ZNF717: variants seen among roughly 807,000 people sequenced by gnomAD.
ZNF717 encodes krueppel-like factor X17.
Under a neutral mutation model 13.8 loss-of-function variants are expected in ZNF717, and 9 were observed. The ratio of observed to expected loss-of-function variants is 0.65; its 90% CI spans 0.39 to 1.14. The LOEUF (loss-of-function observed/expected upper bound fraction) is 1.14, where lower values mean the gene tolerates loss of function less well. Ranked by LOEUF, ZNF717 falls within the 50% of genes most tolerant of loss-of-function variation. The pLI is 0.01. For synonymous variants in ZNF717, 327 were observed against 364.1 expected, an observed-to-expected ratio of 0.90 and a Z score of 1.16; for missense variants, 1,040 against 1,080.7, an observed-to-expected ratio of 0.96 and a Z score of 0.53.
At chr3:75,709,001 T>A (rs796339218), downstream of ZNF717, among the ~76,000 whole-genome samples, 1 of 120,802 alleles carries the variant, frequency 8.3e-6, no homozygotes, top group Non-Finnish European at 1.7e-5. Context: ...TTTTTCTTTT[T>A]CTTTTCTTTT....
At chr3:75,735,607 T>C (rs1939076673), downstream of ZNF717, among the ~76,000 whole-genome samples, 2 of 88,038 alleles carry the variant, frequency 2.3e-5, no homozygotes, top group African/African-American at 9.7e-5. Context: ...ATCACACCAC[T>C]GCACTCCAGC....
At chr3:75,782,894 C>G (rs532602283) in intron 2 of ZNF717, among the ~76,000 whole-genome samples, 2 of 150,976 alleles carry the variant, frequency 1.3e-5, no homozygotes, top group Non-Finnish European at 1.5e-5. Context: ...AGAAGATGAC[C>G]GTTTCCACTG....
chr3:75,730,630 A>C, intron 5 of ZNF717: 1 of 676,412 alleles, frequency 1.5e-6, no homozygotes, highest in Non-Finnish European at 2.7e-6. Context: ...TGGAGATAAA[A>C]GATTTTGAAA....
intron 5 of ZNF717, among the ~76,000 whole-genome samples, chr3:75,711,905 A>C (rs1575716574): frequency 6.6e-6 from 1 of 152,274 alleles, no homozygotes; most frequent in Non-Finnish European, 1.5e-5. Flanking sequence ...AAATCTGATC[A>C]AAGGTCCTAA....
At chr3:75,715,355 G>A (rs1331038577) in intron 5 of ZNF717, among the ~76,000 whole-genome samples, 2 of 152,134 alleles carry the variant, frequency 1.3e-5, no homozygotes, top group Non-Finnish European at 2.9e-5. Flanking sequence ...AAGATTTTCA[G>A]CGGTTTTAAA....
At chr3:75,768,353 C>T (rs1398067250) in intron 2 of ZNF717, among the ~76,000 whole-genome samples, 2 of 37,566 alleles carry the variant, frequency 5.3e-5, no homozygotes, top group Non-Finnish European at 1.1e-4. Flanking sequence ...CTCACTGTGG[C>T]TGAGTGTGGG....
intron 2 of ZNF717, among the ~76,000 whole-genome samples, chr3:75,763,204 A>G (rs868280701): frequency 7.9e-5 from 12 of 152,376 alleles, no homozygotes; most frequent in Middle Eastern, 6.8e-3. Flanking sequence ...AAAAGTTTCT[A>G]TACCTCAAAG....
chr3:75,744,900 C>G (rs1940972552), intron 2 of ZNF717, among the ~76,000 whole-genome samples: 1 of 152,150 alleles, frequency 6.6e-6, no homozygotes, highest in Non-Finnish European at 1.5e-5. Context: ...TATCCCCTTC[C>G]ACTGCAGCCC....
rs191081085 is a variant in ZNF717 at position 75,756,225 on chromosome 3, C to T, written c.58-14489G>A. ...TGTTTTGGGAACCACAAATCACACC[C>T]GGATAAGACAGCAAACAACTGACAA... On this transcript the variant is annotated intron_variant, in intron 2 of 4. Transcript: ENST00000652011. 7.1e-3 allele frequency among the ~76,000 whole-genome samples: 1,081 copies of T among 152,352 alleles called. 2 individuals are homozygous for T. Among genetic ancestry groups the T allele is most frequent in the Middle Eastern group, 0.014 (4 of 294 alleles).
chr3:75,733,381 A>G (rs1938763141), downstream of ZNF717, among the ~76,000 whole-genome samples: 1 of 152,242 alleles, frequency 6.6e-6, no homozygotes, highest in East Asian at 1.9e-4. Context: ...ACATGCCAAA[A>G]ACCTACACCT....
chr3:75,699,920 T>A (rs1245882847), intron 6 of ZNF717, among the ~76,000 whole-genome samples: 922 of 20,962 alleles, frequency 0.044, no homozygotes, highest in African/African-American at 0.14. Context: ...AATCAAAATG[T>A]GTGGGAATTT....
chr3:75,783,502 G>A, intron 1 of ZNF717, 138 bp from the exon 2 acceptor site: 1 of 628,802 alleles, frequency 1.6e-6, no homozygotes, highest in South Asian at 2.2e-5. Flanking sequence ...CCCCATGGGA[G>A]AAGAGTCCTT....
intron 1 of ZNF717, among the ~76,000 whole-genome samples, chr3:75,784,093 G>A (rs78472269): frequency 1.3e-5 from 2 of 152,092 alleles, no homozygotes; most frequent in African/African-American, 4.8e-5. Flanking sequence ...AGCTACCCTG[G>A]TGGAGACACA....
chr3:75,696,746 A>C (rs1295321903), intron 6 of ZNF717, among the ~76,000 whole-genome samples: 874 of 144,880 alleles, frequency 6.0e-3, no homozygotes, highest in African/African-American at 0.024. Flanking sequence ...TACAAAAATT[A>C]ACCAGTCACG....
intron 2 of ZNF717, among the ~76,000 whole-genome samples, chr3:75,748,708 A>G (rs1176375982): frequency 6.6e-6 from 1 of 152,322 alleles, no homozygotes; most frequent in Middle Eastern, 3.4e-3. Flanking sequence ...AATAAGAGCT[A>G]TTCGTGACAA....
chr3:75,700,145 G>A (rs1937658404), intron 6 of ZNF717, among the ~76,000 whole-genome samples: 1 of 152,310 alleles, frequency 6.6e-6, no homozygotes, highest in African/African-American at 2.4e-5. Context: ...TGTAATCCCA[G>A]CACTTTGGGA....
At chr3:75,763,314 T>C (rs1312611690) in intron 2 of ZNF717, among the ~76,000 whole-genome samples, 1 of 152,242 alleles carries the variant, frequency 6.6e-6, no homozygotes, top group Non-Finnish European at 1.5e-5. Context: ...GATTTTGTAA[T>C]ATTTGCATTA....
downstream of ZNF717, among the ~76,000 whole-genome samples, chr3:75,735,265 T>C (rs1939021552): frequency 6.6e-6 from 1 of 152,200 alleles, no homozygotes; most frequent in Admixed American, 6.5e-5. Context: ...ACTGAACTGG[T>C]ATAGTGTTAT....
intron 5 of ZNF717, among the ~76,000 whole-genome samples, chr3:75,713,419 G>A (rs1347472047): frequency 1.3e-5 from 2 of 152,020 alleles, no homozygotes; most frequent in Admixed American, 6.6e-5. Context: ...ACGAAGTGCT[G>A]GGATCACAGG....
Sources: allele counts gnomAD v4.1 joint callset (sites outside exome capture counted in the v4.1 genomes callset), GRCh38; gene constraint gnomAD v4.1.1; transcripts MANE v1.5; gene names NCBI Gene and HGNC (gene_info 2026-07-23, HGNC 2026-07-21).